Variants in RBM33 observed in about 807,000 individuals in gnomAD.
The protein encoded by RBM33 is RNA-binding protein 33.
Under a neutral mutation model 132.6 loss-of-function variants are expected in RBM33, and 28 were observed. The observed-to-expected ratio is 0.21, with a 90% CI of 0.16 to 0.29. The LOEUF is 0.29. Among genes scored for constraint, RBM33 ranks in the 10% least tolerant of loss-of-function variants. The probability of loss-of-function intolerance (pLI) is 1.00; values close to 1 mark genes in which losing one functional copy is unlikely to be tolerated. For synonymous variants in RBM33, 634 were observed against 593.0 expected (o/e 1.07, Z -1.01); for missense variants, 1,291 against 1,518.5 (o/e 0.85, Z 2.49).
chr7:155,717,489 G>T (rs141878707), intron 8 of RBM33, among the ~76,000 whole-genome samples: 1 of 144,650 alleles, frequency 6.9e-6, no homozygotes, highest in Non-Finnish European at 1.5e-5. Context: ...TACATTCTGA[G>T]GTACGGGGGG....
At chr7:155,647,961 C>T (rs767674464) in intron 1 of RBM33, among the ~76,000 whole-genome samples, 3 of 152,232 alleles carry the variant, frequency 2.0e-5, no homozygotes, top group Admixed American at 6.5e-5. Context: ...GTACACAAAT[C>T]GTAAAAAGCC....
chr7:155,775,474 G>A lies in RBM33; in HGVS notation c.*433G>A, dbSNP rs951634483. ...CTTATCTTCAGTGCAGGTTAGAAGA[G>A]TCTTCTCAACCAAGCTTAACTCGAG... On this transcript the variant is annotated 3_prime_UTR_variant, in exon 18 of 18. Coordinates refer to ENST00000401878, the MANE Select transcript of RBM33 (RefSeq NM_053043.3). 79 of 231,796 alleles carry A rather than the reference G, an allele frequency of 3.4e-4. No individual in the cohort carries two copies. The highest frequency in any genetic ancestry group is 1.7e-3 in the African/African-American group (78 of 44,666). The allele number at this position is 231,796 out of a possible 1,614,324, so 14.4% of individuals were successfully genotyped here.
At chr7:155,764,718 C>A (rs989032091) in intron 15 of RBM33, among the ~76,000 whole-genome samples, 1 of 152,240 alleles carries the variant, frequency 6.6e-6, no homozygotes, top group African/African-American at 2.4e-5. Context: ...AAGCCAGTAG[C>A]ACCTGTTGGG....
At chr7:155,758,113 T>A (rs1323226965) in intron 14 of RBM33, among the ~76,000 whole-genome samples, 3 of 152,198 alleles carry the variant, frequency 2.0e-5, no homozygotes, top group African/African-American at 7.2e-5. Flanking sequence ...AAACAATGTC[T>A]GTACGGACCC....
chr7:155,673,304 TATA>T (rs1798995870), intron 3 of RBM33, among the ~76,000 whole-genome samples: 1 of 152,066 alleles, frequency 6.6e-6, no homozygotes, highest in Non-Finnish European at 1.5e-5. Flanking sequence ...CATACTCAAA[TATA>T]ATAAACATTA....
chr7:155,774,750 G>A lies in RBM33; in HGVS notation c.3464+103G>A, dbSNP rs1369181810. ...TGGTAGCAAGCGTGTGTCCCCACCT[G>A]TTCCTGTAGAAGGACACTAGGGCAC... On this transcript the variant is annotated intron_variant, in intron 17 of 17. Coordinates refer to ENST00000401878, the MANE Select transcript of RBM33 (RefSeq NM_053043.3). The surrounding 1 kb of genome is among the most constrained non-coding windows in gnomAD (Gnocchi z 4.2). 49 of 1,002,736 alleles carry A rather than the reference G, an allele frequency of 4.9e-5. No homozygotes were observed. Among genetic ancestry groups the A allele is most frequent in the Non-Finnish European group, 7.6e-5 (48 of 631,040 alleles). The allele number at this position is 1,002,736 out of a possible 1,614,324, so 62.1% of individuals were successfully genotyped here. A position where few individuals can be genotyped will look rare whatever the true frequency, so the allele number is the denominator to read the frequency against.
At chr7:155,685,119 A>G in intron 5 of RBM33, 1 of 1,481,988 alleles carries the variant, frequency 6.7e-7, no homozygotes, top group South Asian at 1.2e-5. Context: ...TAAAATGAGC[A>G]TCTTTTTAGC....
chr7:155,689,223 T>C (rs939331631), intron 5 of RBM33, among the ~76,000 whole-genome samples: 1 of 152,214 alleles, frequency 6.6e-6, no homozygotes, highest in Non-Finnish European at 1.5e-5. Context: ...GTCCAGGAAT[T>C]TATCCATTTC....
chr7:155,745,174 T>C lies in RBM33; in HGVS notation c.2551T>C (p.Ser851Pro). 6.2e-7 allele frequency: 1 copy of C among 1,610,160 alleles called. No homozygotes were observed. Among genetic ancestry groups the C allele is most frequent in the Non-Finnish European group, 8.5e-7 (1 of 1,178,142 alleles). The change falls in exon 14 of 18, where the codon TCA (serine) becomes CCA (proline). Residue 851 changes from serine (S) to proline (P), a missense_variant. By Grantham distance (74) the Ser-to-Pro change is moderately conservative (BLOSUM62 -1). Transcript: ENST00000401878. The surrounding 1 kb of genome is among the most constrained non-coding windows in gnomAD (Gnocchi z 4.1). ...AEQEEQALSP[S>P]PTNGNPLLPF... ...GCAGGAAGAGCAGGCACTGTCACCA[T>C]CACCCACCAACGGTAACCCACTGTT...
chr7:155,756,832 G>T (rs897551779), intron 14 of RBM33, among the ~76,000 whole-genome samples: 1 of 152,112 alleles, frequency 6.6e-6, no homozygotes, highest in East Asian at 1.9e-4. Context: ...TTGGTGGTGG[G>T]TAGCATCTGT....
chr7:155,742,242 T>A (rs1801367887), intron 13 of RBM33, 136 bp downstream of exon 13: 2 of 736,936 alleles, frequency 2.7e-6, no homozygotes, highest in Non-Finnish European at 4.3e-6. Flanking sequence ...TTTTTTTTTT[T>A]AACCTAACAG....
At chr7:155,667,418 T>G (rs1798829550) in intron 2 of RBM33, among the ~76,000 whole-genome samples, 1 of 152,168 alleles carries the variant, frequency 6.6e-6, no homozygotes, top group Non-Finnish European at 1.5e-5. Flanking sequence ...CCCAGTTGTA[T>G]TTTTATTCTA....
intron 6 of RBM33, among the ~76,000 whole-genome samples, chr7:155,705,779 A>G (rs947276794): frequency 5.9e-5 from 9 of 152,188 alleles, no homozygotes; most frequent in Non-Finnish European, 1.3e-4. Context: ...GAAGTTTCTT[A>G]GGGCCAGTGC....
Position 155,658,063 on chromosome 7 carries a change from A to G in RBM33, c.44-7112A>G, listed in dbSNP as rs1463135005. On this transcript the variant is annotated intron_variant, in intron 1 of 17. Transcript: ENST00000401878. ...ATATTTGTTGAAAGTGGGGTGTTGA[A>G]TTCTCTAAGTATTAATGTAGATCAG... 3.3e-5 allele frequency among the ~76,000 whole-genome samples: 5 copies of G among 152,082 alleles called. No individual in the cohort carries two copies. In the South Asian group the frequency reaches 6.2e-4, roughly 19 times the overall value.
intron 8 of RBM33, among the ~76,000 whole-genome samples, chr7:155,715,071 C>T (rs148623488): frequency 6.6e-6 from 1 of 152,264 alleles, no homozygotes; most frequent in Non-Finnish European, 1.5e-5. Context: ...AAGTTTTTCC[C>T]ACCCTGGTTA....
chr7:155,646,394 G>A (rs1032767072), intron 1 of RBM33, among the ~76,000 whole-genome samples: 1 of 152,190 alleles, frequency 6.6e-6, no homozygotes, highest in Non-Finnish European at 1.5e-5. Context: ...AGAAGAATAA[G>A]TAGGCTTTAT....
intron 5 of RBM33, among the ~76,000 whole-genome samples, chr7:155,697,927 A>G (rs1267056675): frequency 2.6e-5 from 4 of 152,222 alleles, no homozygotes; most frequent in Admixed American, 2.6e-4. Flanking sequence ...ATTTTTGTCA[A>G]TGTCTATAGT....
chr7:155,741,278 C>T (rs145155670), intron 12 of RBM33, among the ~76,000 whole-genome samples: 43 of 151,540 alleles, frequency 2.8e-4, no homozygotes, highest in African/African-American at 1.0e-3. Context: ...TGTTGGTTCT[C>T]TCTTAAGAAT....
At chr7:155,751,343 ACT>A (rs1490599390) in intron 14 of RBM33, among the ~76,000 whole-genome samples, 2 of 152,170 alleles carry the variant, frequency 1.3e-5, no homozygotes, top group African/African-American at 4.8e-5. Context: ...GCACACAGAT[ACT>A]CTCTTACAAA....
Sources: allele counts gnomAD v4.1 joint callset (sites outside exome capture counted in the v4.1 genomes callset), GRCh38; gene constraint gnomAD v4.1.1; non-coding constraint Gnocchi (gnomAD v3.1); transcripts MANE v1.5; gene names NCBI Gene and HGNC (gene_info 2026-07-23, HGNC 2026-07-21).